The following ACYP2 variants were observed in gnomAD, a reference collection of about 807,000 sequenced individuals.
The protein encoded by ACYP2 is acylphosphatase-2.
In ACYP2, 12 loss-of-function variants were observed where a neutral mutation model predicts 11.2. The ratio of observed to expected loss-of-function variants is 1.08; its 90% CI spans 0.69 to 1.74. The LOEUF (loss-of-function observed/expected upper bound fraction) is 1.74. ACYP2 is among the 40% of genes most tolerant of loss of function. The pLI is 0.00. For synonymous variants in ACYP2, 43 were observed against 32.2 expected (o/e 1.33, Z -1.13); for missense variants, 134 against 101.9 (o/e 1.31, Z -1.35).
chr2:54,201,093 T>G (rs936031655), intron 6 of ACYP2, among the ~76,000 whole-genome samples: 2 of 149,332 alleles, frequency 1.3e-5, no homozygotes, highest in Non-Finnish European at 3.0e-5. Context: ...ATTAAAAAAT[T>G]TGGGTTCTCT....
At chr2:54,219,026 T>C (rs1029423480) in intron 6 of ACYP2, among the ~76,000 whole-genome samples, 13 of 152,164 alleles carry the variant, frequency 8.5e-5, no homozygotes, top group African/African-American at 2.2e-4. Flanking sequence ...AGAGTCTATA[T>C]CTTGGATATG....
intron 6 of ACYP2, among the ~76,000 whole-genome samples, chr2:54,211,415 T>C (rs1160582107): frequency 6.6e-6 from 1 of 152,204 alleles, no homozygotes; most frequent in Non-Finnish European, 1.5e-5. Context: ...TTTATGTAAG[T>C]TTGATGTGTG....
At chr2:54,172,643 G>A (rs1683266641) in intron 6 of ACYP2, among the ~76,000 whole-genome samples, 1 of 151,918 alleles carries the variant, frequency 6.6e-6, no homozygotes, top group Non-Finnish European at 1.5e-5. Flanking sequence ...TAGGGTACAT[G>A]AGCACAATGT....
chr2:54,082,098 TGA>T (rs1677687286), intron 4 of ACYP2, among the ~76,000 whole-genome samples: 1 of 152,200 alleles, frequency 6.6e-6, no homozygotes, highest in Admixed American at 6.5e-5. Context: ...ATCCTAACCC[TGA>T]TCTGACAGGC....
chr2:54,007,098 C>G (rs370101573), intron 2 of ACYP2, among the ~76,000 whole-genome samples: 1 of 131,062 alleles, frequency 7.6e-6, no homozygotes, highest in East Asian at 2.6e-4. Context: ...GAGATTGTAC[C>G]ACTGCACTCC....
chr2:54,117,213 G>A (rs1679861357), intron 4 of ACYP2, among the ~76,000 whole-genome samples: 1 of 152,112 alleles, frequency 6.6e-6, no homozygotes, highest in African/African-American at 2.4e-5. Context: ...ATTATTATTA[G>A]AACACTAGAT....
Position 54,202,706 on chromosome 2 carries a change from CTTTTTTTTTTTTTTTTTTTT to C in ACYP2, c.404+63980_404+63999del, listed in dbSNP as rs70944152. Reference sequence around the variant, plus strand: ...TACAGGTGTGAGCCACGGCGCCTGGCTTTTTTTTTTTTTTTTTTTTTTTTTTTTTTTTTTTTTTTTTGAGA... The same window carrying C: ...TACAGGTGTGAGCCACGGCGCCTGGCTTTTTTTTTTTTTTTTTTTTTGAGA... On this transcript the variant is annotated intron_variant, in intron 6 of 6. Transcript: ENST00000607452. 8.5e-3 allele frequency among the ~76,000 whole-genome samples: 367 copies of C among 43,016 alleles called. 5 individuals carry two copies. The highest frequency in any genetic ancestry group is 0.028 in the African/African-American group (331 of 11,640). 28.2% of individuals were successfully genotyped at this position (43,016 alleles called of 152,430 possible). A position where few individuals can be genotyped will look rare whatever the true frequency, so the allele number is the denominator to read the frequency against.
chr2:54,100,779 T>C (rs1246503347), intron 4 of ACYP2, among the ~76,000 whole-genome samples: 1 of 152,220 alleles, frequency 6.6e-6, no homozygotes, highest in African/African-American at 2.4e-5. Context: ...ATTTTTTGAA[T>C]AATGGTAGAG....
chr2:53,989,199 A>G (rs1014300442), intron 2 of ACYP2, among the ~76,000 whole-genome samples: 2 of 150,398 alleles, frequency 1.3e-5, no homozygotes, highest in African/African-American at 4.9e-5. Flanking sequence ...ACCATCGACT[A>G]TTGTGATCTA....
intron 4 of ACYP2, among the ~76,000 whole-genome samples, chr2:54,067,580 A>G (rs555069866): frequency 4.6e-4 from 70 of 152,344 alleles, no homozygotes; most frequent in Non-Finnish European, 8.8e-4. Context: ...GCTAGGGAAA[A>G]AGATGAGTTT....
chr2:54,295,765 T>C (rs1298718189), intron 6 of ACYP2, among the ~76,000 whole-genome samples: 1 of 152,140 alleles, frequency 6.6e-6, no homozygotes, highest in Admixed American at 6.5e-5. Context: ...TGCCACCTTC[T>C]TTTTTGTGTG....
At chr2:54,236,507 A>G (rs1377248774) in intron 6 of ACYP2, among the ~76,000 whole-genome samples, 1 of 152,156 alleles carries the variant, frequency 6.6e-6, no homozygotes, top group East Asian at 1.9e-4. Context: ...TTTTCTAGGT[A>G]AATTTTTGTT....
intron 6 of ACYP2, among the ~76,000 whole-genome samples, chr2:54,210,380 CAT>C (rs1394642955): frequency 1.3e-5 from 2 of 151,822 alleles, no homozygotes; most frequent in Non-Finnish European, 2.9e-5. Context: ...TATATACAAA[CAT>C]ATAATTTTTG....
chr2:54,053,501 C>T (rs1386951340), intron 3 of ACYP2, among the ~76,000 whole-genome samples: 1 of 152,200 alleles, frequency 6.6e-6, no homozygotes, highest in Non-Finnish European at 1.5e-5. Context: ...CTGTGTGTTC[C>T]AGGCCTCACA....
chr2:54,296,386 T>G (rs1196902161), intron 6 of ACYP2, among the ~76,000 whole-genome samples: 1 of 152,238 alleles, frequency 6.6e-6, no homozygotes, highest in Non-Finnish European at 1.5e-5. Flanking sequence ...AGGGGACCAA[T>G]AGTTGGTGAC....
chr2:54,070,362 A>C (rs1676972898), intron 4 of ACYP2, among the ~76,000 whole-genome samples: 1 of 152,206 alleles, frequency 6.6e-6, no homozygotes, highest in Non-Finnish European at 1.5e-5. Context: ...GCTTATAATA[A>C]GGATTCTGAA....
chr2:54,268,165 A>C (rs759215532), intron 6 of ACYP2, among the ~76,000 whole-genome samples: 6 of 152,196 alleles, frequency 3.9e-5, no homozygotes, highest in Non-Finnish European at 7.3e-5. Flanking sequence ...TCCCTACCTG[A>C]ACTTTTCAAC....
chr2:54,088,553 G>A (rs530509497), intron 4 of ACYP2, among the ~76,000 whole-genome samples: 2 of 152,210 alleles, frequency 1.3e-5, no homozygotes, highest in Non-Finnish European at 2.9e-5. Flanking sequence ...GCCTGGGGTG[G>A]AGGTGGAGGG....
intron 4 of ACYP2, among the ~76,000 whole-genome samples, chr2:54,069,423 G>C (rs1161245284): frequency 6.6e-6 from 1 of 152,120 alleles, no homozygotes; most frequent in Admixed American, 6.5e-5. Context: ...AGCACTTTGG[G>C]AGGCCGAGGC....
Sources: allele counts gnomAD v4.1 joint callset (sites outside exome capture counted in the v4.1 genomes callset), GRCh38; gene constraint gnomAD v4.1.1; transcripts MANE v1.5; gene names NCBI Gene and HGNC (gene_info 2026-07-23, HGNC 2026-07-21).